PRDM10: variants seen among roughly 807,000 people sequenced by gnomAD.
PRDM10 encodes PR/SET domain 10, also known as PR domain zinc finger protein 10.
In PRDM10, 65 loss-of-function variants were observed where a neutral mutation model predicts 133.1. That is an observed-to-expected ratio of 0.49 (90% CI 0.40 to 0.60). The LOEUF (loss-of-function observed/expected upper bound fraction) is 0.60. Among genes scored for constraint, PRDM10 ranks in the 20% least tolerant of loss-of-function variants. The pLI is 0.00. For missense variants in PRDM10, 1,137 were observed against 1,507.1 expected, an observed-to-expected ratio of 0.75 and a Z score of 4.07; for synonymous variants, 582 against 580.4, an observed-to-expected ratio of 1.00 and a Z score of -0.04.
chr11:129,933,334 A>C (rs1950929220), intron 9 of PRDM10, among the ~76,000 whole-genome samples: 1 of 152,178 alleles, frequency 6.6e-6, no homozygotes, highest in East Asian at 1.9e-4. Flanking sequence ...AACATTTTTC[A>C]AACCATGGCC....
intron 11 of PRDM10, among the ~76,000 whole-genome samples, chr11:129,927,196 A>C (rs1274066146): frequency 4.2e-4 from 30 of 71,856 alleles, no homozygotes; most frequent in Non-Finnish European, 5.7e-4. Context: ...AAAAAAAAAA[A>C]AAAAAAAAAA....
chr11:129,983,125 C>T (rs1169374226), intron 1 of PRDM10, among the ~76,000 whole-genome samples: 1 of 151,716 alleles, frequency 6.6e-6, no homozygotes, highest in Non-Finnish European at 1.5e-5. Context: ...TACAGGTGCG[C>T]ACCACCACGC....
In PRDM10 at chr11:129,912,066, A is replaced by AG; in HGVS notation, c.2982+18dup. On this transcript the variant is annotated intron_variant, in intron 18 of 20. Coordinates refer to ENST00000360871, the MANE Select transcript of PRDM10 (RefSeq NM_199437.2). ...TGAAGCCATGATAACACCTCCAAAT[A>AG]GTCTGTGGAGCAGGGTACCTGGGCG... 1.9e-6 allele frequency: 3 copies of AG among 1,582,732 alleles called. No individual in the cohort carries two copies. Among genetic ancestry groups the AG allele is most frequent in the Non-Finnish European group, 2.6e-6 (3 of 1,164,550 alleles).
intron 1 of PRDM10, among the ~76,000 whole-genome samples, chr11:129,990,731 C>T (rs1285380796): frequency 1.3e-5 from 2 of 152,118 alleles, no homozygotes; most frequent in Non-Finnish European, 2.9e-5. Flanking sequence ...TTCGGCCCCC[C>T]AAAGTGCTGG....
chr11:129,908,154 T>C (rs1187699026), intron 19 of PRDM10, among the ~76,000 whole-genome samples: 1 of 152,072 alleles, frequency 6.6e-6, no homozygotes, highest in Non-Finnish European at 1.5e-5. Flanking sequence ...GTGATAATGT[T>C]GCATGGAGTT....
At chr11:129,933,074 A>C (rs1448689635) in intron 9 of PRDM10, among the ~76,000 whole-genome samples, 1 of 152,232 alleles carries the variant, frequency 6.6e-6, no homozygotes, top group Non-Finnish European at 1.5e-5. Context: ...TTGCCAACAA[A>C]CACAAATTCC....
At chr11:129,944,575 A>G (rs1212824570) in intron 6 of PRDM10, among the ~76,000 whole-genome samples, 196 bp downstream of exon 6, 2 of 141,082 alleles carry the variant, frequency 1.4e-5, no homozygotes, top group Admixed American at 7.3e-5. Flanking sequence ...ACAGAGCAAG[A>G]CTCCGTCTCA....
chr11:129,958,459 T>G (rs1951737892), intron 2 of PRDM10, among the ~76,000 whole-genome samples: 1 of 152,012 alleles, frequency 6.6e-6, no homozygotes, highest in South Asian at 2.1e-4. Context: ...CTGGCCAACA[T>G]GGTGAAACCC....
At chr11:129,936,988 T>G (rs780144543) in intron 8 of PRDM10, among the ~76,000 whole-genome samples, 2 of 152,184 alleles carry the variant, frequency 1.3e-5, no homozygotes, top group African/African-American at 2.4e-5. Flanking sequence ...ACAAATACCA[T>G]GTTGAGCAAA....
intron 1 of PRDM10, among the ~76,000 whole-genome samples, chr11:129,997,091 G>C (rs1179915639): frequency 1.3e-5 from 2 of 152,168 alleles, no homozygotes; most frequent in African/African-American, 2.4e-5. Context: ...ATCAATAAAG[G>C]CAGCTTAGGG....
chr11:129,931,309 G>A, intron 10 of PRDM10, 51 bp from the exon 11 acceptor site: 1 of 1,558,644 alleles, frequency 6.4e-7, no homozygotes, highest in Non-Finnish European at 8.7e-7. Flanking sequence ...GGGACTGTCA[G>A]CTCAGATTTA....
intron 2 of PRDM10, 86 bp from the exon 3 acceptor site, chr11:129,957,996 A>G: frequency 7.0e-7 from 1 of 1,435,944 alleles, no homozygotes; most frequent in Non-Finnish European, 9.5e-7. Context: ...AAAGATCCCC[A>G]ATGACAGGAG....
intron 7 of PRDM10, among the ~76,000 whole-genome samples, chr11:129,940,410 A>C (rs972456808): frequency 1.3e-5 from 2 of 152,178 alleles, no homozygotes; most frequent in Non-Finnish European, 2.9e-5. Flanking sequence ...ACTTCCAGAA[A>C]TGTTTTATGA....
intron 1 of PRDM10, among the ~76,000 whole-genome samples, chr11:129,995,222 G>A (rs1353753141): frequency 6.6e-6 from 1 of 152,182 alleles, no homozygotes; most frequent in Non-Finnish European, 1.5e-5. Context: ...GAAAAAGAAT[G>A]AAGGAGAAGA....
intron 11 of PRDM10, among the ~76,000 whole-genome samples, chr11:129,926,777 A>G (rs1252890907): frequency 6.6e-6 from 1 of 152,244 alleles, no homozygotes; most frequent in East Asian, 1.9e-4. Flanking sequence ...CTTTGTATCC[A>G]GATCCCTTAA....
At chr11:129,909,600 C>T (rs1025388108) in intron 19 of PRDM10, among the ~76,000 whole-genome samples, 3 of 152,060 alleles carry the variant, frequency 2.0e-5, no homozygotes, top group Non-Finnish European at 2.9e-5. Context: ...AGATCAATAC[C>T]GACCCTTTCC....
At chr11:130,001,997 G>A (rs1423294959) in intron 1 of PRDM10, among the ~76,000 whole-genome samples, 4 of 151,452 alleles carry the variant, frequency 2.6e-5, no homozygotes, top group African/African-American at 4.8e-5. Context: ...TGGGAAGGCA[G>A]GCCGGGGGCC....
At chr11:129,976,006 G>A (rs771717294) in intron 1 of PRDM10, among the ~76,000 whole-genome samples, 1 of 152,130 alleles carries the variant, frequency 6.6e-6, no homozygotes, top group Non-Finnish European at 1.5e-5. Context: ...CCTCATCCAC[G>A]CATGGTATCT....
At chr11:129,975,411 G>T (rs761853272) in intron 1 of PRDM10, among the ~76,000 whole-genome samples, 3 of 151,414 alleles carry the variant, frequency 2.0e-5, no homozygotes, top group Non-Finnish European at 4.4e-5. Flanking sequence ...GATAACAGGC[G>T]CGAATCTCCA....
Sources: gnomAD v4.1 joint callset for allele counts (sites outside exome capture counted in the v4.1 genomes callset) on GRCh38, gnomAD v4.1.1 for gene constraint, MANE v1.5 for transcripts, NCBI Gene and HGNC (gene_info 2026-07-23, HGNC 2026-07-21) for gene names.